The following FARP1 variants were observed in gnomAD, a reference collection of about 807,000 sequenced individuals.
The protein encoded by FARP1 is FERM, ARHGEF and pleckstrin domain-containing protein 1.
Under a neutral mutation model 128.8 loss-of-function variants are expected in FARP1, and 52 were observed. That is an observed-to-expected ratio of 0.40 (90% CI 0.32 to 0.51). FARP1 has a LOEUF of 0.51. Ranked by LOEUF, FARP1 falls within the 20% of genes least tolerant of loss-of-function variation. The probability of loss-of-function intolerance (pLI) is 0.45; values close to 1 mark genes in which losing one functional copy is unlikely to be tolerated. For synonymous variants in FARP1, 580 were observed against 551.8 expected (o/e 1.05, Z -0.72); for missense variants, 1,333 against 1,367.9 (o/e 0.97, Z 0.40).
In FARP1 at chr13:98,440,841, G is replaced by C; in HGVS notation, c.2796+5G>C. 2 of 1,592,452 alleles carry C rather than the reference G, an allele frequency of 1.3e-6. No individual in the cohort carries two copies. Among genetic ancestry groups the C allele is most frequent in the South Asian group, 2.3e-5 (2 of 88,666 alleles). On this transcript the variant is annotated splice_donor_5th_base_variant and intron_variant, in intron 24 of 26. Coordinates refer to ENST00000319562, the MANE Select transcript of FARP1 (RefSeq NM_005766.4). ...GACTTCAGCATCGCAGTGGAGGTAC[G>C]CAGGGGCAGGGCAGCTCTGGTTCCC...
At chr13:98,406,338 C>T (rs908146032) in intron 13 of FARP1, 2 of 152,224 alleles carry the variant, frequency 1.3e-5, no homozygotes, top group Non-Finnish European at 2.9e-5. Context: ...GGCCTCTTCT[C>T]CACAGATGCA....
At chr13:98,149,800 C>T (rs189672326) in intron 1 of FARP1, among the ~76,000 whole-genome samples, 13 of 123,856 alleles carry the variant, frequency 1.0e-4, no homozygotes, top group South Asian at 8.3e-4. Context: ...TGCAGTGGCG[C>T]AATCTTGGCT....
intron 2 of FARP1, among the ~76,000 whole-genome samples, chr13:98,267,233 T>C (rs1367694567): frequency 6.6e-6 from 1 of 152,308 alleles, no homozygotes; most frequent in East Asian, 1.9e-4. Flanking sequence ...TGGTGCAGAC[T>C]GACTGCAGTT....
rs181009737 is a variant in FARP1, at chr13:98,180,093, A to G, written c.-23-33127A>G. Among the ~76,000 whole-genome samples the G allele has an allele frequency of 1.2e-3, 176 of 152,184 alleles. 1 individual carries two copies. The highest frequency in any genetic ancestry group is 4.1e-3 in the African/African-American group (171 of 41,526). On this transcript the variant is annotated intron_variant, in intron 1 of 26. Coordinates refer to ENST00000319562, the MANE Select transcript of FARP1 (RefSeq NM_005766.4). Reference sequence around the variant, plus strand: ...GAGATTGTGTTAGTTTTGCATTGCTATAAAGGAATGCCTGAGGCTAGGTAA... The same window carrying G: ...GAGATTGTGTTAGTTTTGCATTGCTGTAAAGGAATGCCTGAGGCTAGGTAA...
chr13:98,182,603 AG>A (rs1451161735), intron 1 of FARP1, among the ~76,000 whole-genome samples: 1 of 152,246 alleles, frequency 6.6e-6, no homozygotes, highest in African/African-American at 2.4e-5. Context: ...CTGGGATTAC[AG>A]GGGTAAACCC....
intron 6 of FARP1, among the ~76,000 whole-genome samples, chr13:98,380,968 G>A (rs1889869489): frequency 6.6e-6 from 1 of 152,106 alleles, no homozygotes; most frequent in African/African-American, 2.4e-5. Flanking sequence ...TTGCATATCT[G>A]GGAGTGGAGA....
At chr13:98,181,185 C>G (rs1878483202) in intron 1 of FARP1, among the ~76,000 whole-genome samples, 2 of 152,102 alleles carry the variant, frequency 1.3e-5, no homozygotes, top group Non-Finnish European at 2.9e-5. Flanking sequence ...TTTAGGTCCA[C>G]ACATGCCTAC....
Position 98,380,034 on chromosome 13 carries a change from C to A in FARP1, c.496+2116C>A, listed in dbSNP as rs868335156. On this transcript the variant is annotated intron_variant, in intron 6 of 26. Transcript: ENST00000319562. The stretch of plus-strand genomic sequence containing the variant: ...GAAATAGTAACTTCATAAAATGTCT[C>A]TGACCCTTGGCATTTTGTAAGCAGA... Among the ~76,000 whole-genome samples the A allele has an allele frequency of 5.9e-5, 9 of 152,212 alleles. No individual in the cohort carries two copies. The East Asian group carries it at 1.5e-3, about 26-fold the overall frequency.
chr13:98,359,702 A>G (rs1329318277), intron 3 of FARP1, among the ~76,000 whole-genome samples: 1 of 152,222 alleles, frequency 6.6e-6, no homozygotes, highest in Admixed American at 6.5e-5. Flanking sequence ...TGGCCTCAGT[A>G]TTCAGCACAG....
At chr13:98,237,534 T>C (rs919357201) in intron 2 of FARP1, among the ~76,000 whole-genome samples, 1 of 152,234 alleles carries the variant, frequency 6.6e-6, no homozygotes, top group African/African-American at 2.4e-5. Context: ...CAAATGTGGA[T>C]CATCTCCGTC....
At chr13:98,290,054 C>G in intron 2 of FARP1, among the ~76,000 whole-genome samples, 1 of 136,250 alleles carries the variant, frequency 7.3e-6, no homozygotes, top group South Asian at 2.4e-4. Context: ...GGAGATTTAT[C>G]TTTTTTTTTT....
At chr13:98,290,250 CAAAG>C (rs1885389724) in intron 2 of FARP1, among the ~76,000 whole-genome samples, 1 of 151,912 alleles carries the variant, frequency 6.6e-6, no homozygotes, top group Non-Finnish European at 1.5e-5. Flanking sequence ...CAAAGAAAAA[CAAAG>C]TAAGGGAGGA....
At chr13:98,430,649 T>A (rs544897673) in intron 17 of FARP1, among the ~76,000 whole-genome samples, 1 of 152,242 alleles carries the variant, frequency 6.6e-6, no homozygotes, top group African/African-American at 2.4e-5. Context: ...TAATGCTCAC[T>A]GACGGCCCCT....
At chr13:98,290,861 C>T (rs1185978106) in intron 2 of FARP1, among the ~76,000 whole-genome samples, 2 of 152,082 alleles carry the variant, frequency 1.3e-5, no homozygotes, top group Non-Finnish European at 2.9e-5. Flanking sequence ...ATGGAGTTGC[C>T]GTTTTCAGAA....
In FARP1 at chr13:98,389,945, T is replaced by C. The variant is rs758549707; in HGVS notation, c.856-12T>C. ...TAATGGAAAAAACCACCGTTGTATT[T>C]TCCCTTTTTAGAGTGCGTACCAGGA... On this transcript the variant is annotated splice_polypyrimidine_tract_variant and intron_variant, in intron 9 of 26. Coordinates refer to ENST00000319562, the MANE Select transcript of FARP1 (RefSeq NM_005766.4). 1.2e-6 allele frequency: 2 copies of C among 1,613,576 alleles called. No individual in the cohort carries two copies. The highest frequency in any genetic ancestry group is 2.2e-5 in the South Asian group (2 of 90,956).
chr13:98,184,915 G>A (rs2139213929), intron 1 of FARP1, among the ~76,000 whole-genome samples: 1 of 152,218 alleles, frequency 6.6e-6, no homozygotes, highest in Admixed American at 6.5e-5. Flanking sequence ...CAGCTCTCTT[G>A]AAAAACAAAA....
intron 2 of FARP1, among the ~76,000 whole-genome samples, chr13:98,215,213 G>A (rs372448617): frequency 6.6e-6 from 1 of 152,176 alleles, no homozygotes; most frequent in African/African-American, 2.4e-5. Flanking sequence ...CTTTTAAAAT[G>A]ATTTTTCTTC....
In FARP1 at chr13:98,176,285, C is replaced by G. The variant is rs1300067516; in HGVS notation, c.-24+32793C>G. On this transcript the variant is annotated intron_variant, in intron 1 of 26. Coordinates refer to ENST00000319562, the MANE Select transcript of FARP1 (RefSeq NM_005766.4). The surrounding 1 kb of genome is among the most constrained non-coding windows in gnomAD (Gnocchi z 6.2). ...GTGAAATGGGACTTGCCCCCACCTTCTGCAGCCTGAAGCTTTTGCAGTTTC... is the reference window on the plus strand; with the variant it reads ...GTGAAATGGGACTTGCCCCCACCTTGTGCAGCCTGAAGCTTTTGCAGTTTC... The G allele has an allele frequency of 1.2e-6, 2 of 1,612,302 alleles. No homozygotes were observed. Among genetic ancestry groups the G allele is most frequent in the African/African-American group, 2.7e-5 (2 of 74,968 alleles).
chr13:98,419,713 G>A lies in FARP1; in HGVS notation c.1827-4859G>A, dbSNP rs536311022. Among the ~76,000 whole-genome samples, 9 of 152,278 alleles carry A rather than the reference G, an allele frequency of 5.9e-5. No individual in the cohort carries two copies. The South Asian group carries it at 1.2e-3, about 21-fold the overall frequency. ...GACTGCAGGGAATAGTGAGGACAAT[G>A]ATGTGGTATTGGTGTTGCAAGTGAA... On this transcript the variant is annotated intron_variant, in intron 16 of 26. Transcript: ENST00000319562.
Sources: allele counts gnomAD v4.1 joint callset (sites outside exome capture counted in the v4.1 genomes callset), GRCh38; gene constraint gnomAD v4.1.1; non-coding constraint Gnocchi (gnomAD v3.1); transcripts MANE v1.5; gene names NCBI Gene and HGNC (gene_info 2026-07-23, HGNC 2026-07-21).